Variants in BCAS1 observed in about 807,000 individuals in gnomAD.
BCAS1 encodes the protein breast carcinoma-amplified sequence 1.
A neutral mutation model predicts 65.4 loss-of-function variants in BCAS1; 46 were observed. That is an observed-to-expected ratio of 0.70 (90% CI 0.55 to 0.90). BCAS1 has a LOEUF of 0.90. Ranked by LOEUF, BCAS1 falls within the 40% of genes least tolerant of loss-of-function variation. The pLI, the probability that BCAS1 is intolerant of heterozygous loss-of-function variation, is 0.00. For missense variants in BCAS1, 793 were observed against 771.2 expected, an observed-to-expected ratio of 1.03 and a Z score of -0.33; for synonymous variants, 298 against 293.5, an observed-to-expected ratio of 1.02 and a Z score of -0.16.
Position 54,009,469 on chromosome 20 carries a change from G to A in BCAS1, c.724-13419C>T, listed in dbSNP as rs551953994. Among the ~76,000 whole-genome samples, 9 of 152,094 alleles carry A rather than the reference G, an allele frequency of 5.9e-5. No individual in the cohort carries two copies. In the East Asian group the frequency reaches 7.7e-4, roughly 13 times the overall value. On this transcript the variant is annotated intron_variant, in intron 4 of 12. Coordinates refer to ENST00000688948, the MANE Select transcript of BCAS1 (RefSeq NM_001366298.2). The stretch of plus-strand genomic sequence containing the variant: ...ATGCTACCTACATAAATTTGATAAC[G>A]GGCAAAATGGAACATTTGCTCAAAA...
At chr20:53,977,404 C>T (rs1263925281) in intron 8 of BCAS1, among the ~76,000 whole-genome samples, 4 of 152,160 alleles carry the variant, frequency 2.6e-5, no homozygotes, top group Non-Finnish European at 5.9e-5. Context: ...TCCTCAAGGC[C>T]GGCCCACAAA....
chr20:53,973,831 G>T (rs1207330853), intron 9 of BCAS1, among the ~76,000 whole-genome samples: 5 of 152,174 alleles, frequency 3.3e-5, no homozygotes, highest in Non-Finnish European at 7.3e-5. Context: ...AAGGAAGGAA[G>T]GGCAGTAAAA....
chr20:54,024,846 G>C (rs938272391), intron 4 of BCAS1, among the ~76,000 whole-genome samples: 16 of 152,178 alleles, frequency 1.1e-4, no homozygotes, highest in African/African-American at 2.4e-5. Context: ...AAACATCATG[G>C]TGGCTGTGAC....
At chr20:53,976,801 G>C (rs1024316969) in intron 8 of BCAS1, among the ~76,000 whole-genome samples, 12 of 152,122 alleles carry the variant, frequency 7.9e-5, no homozygotes, top group African/African-American at 2.9e-4. Flanking sequence ...TTTATTTCTA[G>C]TTATCTTCTT....
chr20:53,985,604 T>C lies in BCAS1; in HGVS notation c.1063-105A>G, dbSNP rs555081024. ...ACATGGGCTGAGGTTATACATAATGTTAATTTTCTTCTTTATATTTTTCTG... is the reference window on the plus strand; with the variant it reads ...ACATGGGCTGAGGTTATACATAATGCTAATTTTCTTCTTTATATTTTTCTG... On this transcript the variant is annotated intron_variant, in intron 7 of 12. Transcript: ENST00000688948. 1.4e-4 allele frequency: 132 copies of C among 971,958 alleles called. 1 individual carries two copies. The African/African-American group carries it at 1.9e-3, about 14-fold the overall frequency. The allele number at this position is 971,958 out of a possible 1,614,324, so 60.2% of individuals were successfully genotyped here.
intron 1 of BCAS1, among the ~76,000 whole-genome samples, chr20:54,065,062 C>T (rs1601053200): frequency 1.3e-5 from 2 of 152,208 alleles, no homozygotes; most frequent in South Asian, 2.1e-4. Flanking sequence ...AAACTCAACT[C>T]ATGATGGTTC....
intron 4 of BCAS1, among the ~76,000 whole-genome samples, chr20:53,997,271 G>A (rs575056632): frequency 6.6e-6 from 1 of 152,208 alleles, no homozygotes; most frequent in Non-Finnish European, 1.5e-5. Context: ...GGACAGCGAG[G>A]CCCACAGAAG....
At chr20:54,052,708 C>T (rs1264417748) in intron 3 of BCAS1, among the ~76,000 whole-genome samples, 2 of 152,156 alleles carry the variant, frequency 1.3e-5, no homozygotes, top group Non-Finnish European at 2.9e-5. Context: ...AGCAAGGCGC[C>T]ATCTTGGAAG....
rs571846340 is a variant in BCAS1, at chr20:53,951,454, A to G, written c.1815+1978T>C. Among the ~76,000 whole-genome samples the G allele has an allele frequency of 2.5e-4, 38 of 152,344 alleles. 1 individual carries two copies. In the South Asian group the frequency reaches 7.5e-3, roughly 30 times the overall value. ...CCATTGCACTCCAGCCTGGGCAACA[A>G]GAGCGAAACTCCATCTCAAAAAAAC... is the stretch of plus-strand genomic sequence containing the variant. On this transcript the variant is annotated intron_variant, in intron 12 of 12. Transcript: ENST00000688948.
intron 3 of BCAS1, among the ~76,000 whole-genome samples, chr20:54,041,909 C>G (rs71323986): frequency 1.3e-5 from 1 of 79,766 alleles, no homozygotes; most frequent in Non-Finnish European, 2.2e-5. Flanking sequence ...CTGTCTCCCC[C>G]AAAAAAAAAA....
intron 8 of BCAS1, among the ~76,000 whole-genome samples, chr20:53,975,933 C>A (rs1451038144): frequency 6.6e-6 from 1 of 152,176 alleles, no homozygotes; most frequent in Non-Finnish European, 1.5e-5. Flanking sequence ...CTACCCTGAC[C>A]ATAGCACAGG....
At chr20:53,963,803 A>G (rs142417031) in intron 10 of BCAS1, among the ~76,000 whole-genome samples, 2,752 of 152,330 alleles carry the variant, frequency 0.018, 40 homozygotes, top group Middle Eastern at 0.041. Flanking sequence ...ATGTTACTAA[A>G]AAGTATTTCC....
chr20:53,946,920 G>T (rs76374438), intron 12 of BCAS1, among the ~76,000 whole-genome samples: 1 of 151,852 alleles, frequency 6.6e-6, no homozygotes, highest in African/African-American at 2.4e-5. Flanking sequence ...ATAGTATATA[G>T]AGTGTATTAT....
chr20:54,045,048 AAAAAAACT>A (rs2059289845), intron 3 of BCAS1, among the ~76,000 whole-genome samples: 2 of 151,738 alleles, frequency 1.3e-5, no homozygotes, highest in Admixed American at 6.6e-5. Flanking sequence ...TCATCTTTAC[AAAAAAACT>A]AAAAAATTAG....
intron 3 of BCAS1, among the ~76,000 whole-genome samples, chr20:54,039,683 T>G (rs1198520139): frequency 6.6e-6 from 1 of 150,778 alleles, no homozygotes; most frequent in Non-Finnish European, 1.5e-5. Flanking sequence ...AGATGTTTCA[T>G]TTGATTTTTT....
At chr20:54,007,910 G>A (rs930762178) in intron 4 of BCAS1, among the ~76,000 whole-genome samples, 18 of 152,220 alleles carry the variant, frequency 1.2e-4, no homozygotes, top group African/African-American at 4.3e-4. Context: ...GAGGACCCGA[G>A]GAAAAACACG....
At chr20:54,003,226 C>CAAA (rs36065746) in intron 4 of BCAS1, among the ~76,000 whole-genome samples, 31 of 98,576 alleles carry the variant, frequency 3.1e-4, no homozygotes, top group African/African-American at 9.2e-4. Context: ...GCCAAACAGA[C>CAAA]AAAAAAAAAA....
Position 53,944,722 on chromosome 20 carries a change from C to T in BCAS1, c.*200G>A, listed in dbSNP as rs1413981841. On this transcript the variant is annotated 3_prime_UTR_variant, in exon 13 of 13. Transcript: ENST00000688948. ...TAGGTGACCTGCTAAACCATCTTTA[C>T]TGTTATTTGCCAGAAAAGACTGGAC... is the stretch of plus-strand genomic sequence containing the variant. The T allele has an allele frequency of 1.7e-6, 1 of 595,270 alleles. No individual in the cohort carries two copies. Among genetic ancestry groups the T allele is most frequent in the Admixed American group, 2.8e-5 (1 of 36,122 alleles). 36.9% of individuals were successfully genotyped at this position (595,270 alleles called of 1,614,324 possible).
intron 3 of BCAS1, among the ~76,000 whole-genome samples, chr20:54,055,074 G>C (rs2092276451): frequency 6.6e-6 from 1 of 152,162 alleles, no homozygotes; most frequent in South Asian, 2.1e-4. Context: ...GAGAAGGATA[G>C]AGAAGAGGCT....
Sources: allele counts gnomAD v4.1 joint callset (sites outside exome capture counted in the v4.1 genomes callset), GRCh38; gene constraint gnomAD v4.1.1; transcripts MANE v1.5; gene names NCBI Gene and HGNC (gene_info 2026-07-23, HGNC 2026-07-21).